GLRA3: variants seen among roughly 807,000 people sequenced by gnomAD.
The protein encoded by GLRA3 is glycine receptor alpha 3.
A neutral mutation model predicts 60.4 loss-of-function variants in GLRA3; 44 were observed. The ratio of observed to expected loss-of-function variants is 0.73; its 90% confidence interval spans 0.57 to 0.94. The LOEUF is 0.94. GLRA3 is among the 40% of genes least tolerant of loss of function. The pLI is 0.00. For synonymous variants in GLRA3, 223 were observed against 192.9 expected (o/e 1.16, Z -1.29); for missense variants, 508 against 564.6 (o/e 0.90, Z 1.02).
At chr4:174,786,457 TGTAAATG>T (rs1287934327) in intron 2 of GLRA3, among the ~76,000 whole-genome samples, 2 of 152,170 alleles carry the variant, frequency 1.3e-5, no homozygotes, top group African/African-American at 4.8e-5. Flanking sequence ...CCTCCTTTTG[TGTAAATG>T]TCTTCTGTTA....
In GLRA3 at chr4:174,642,333, TA is replaced by T. The variant is rs11320759; in HGVS notation, c.*1452del. The T allele has an allele frequency of 0.42, 404,572 of 972,896 alleles. 88,081 individuals carry two copies. The highest frequency in any genetic ancestry group is 0.72 in the African/African-American group (41,222 of 56,882). 60.3% of individuals were successfully genotyped at this position (972,896 alleles called of 1,614,324 possible). On this transcript the variant is annotated 3_prime_UTR_variant, in exon 10 of 10. Transcript: ENST00000274093. ...TGTACATCTGAGTTCATTGTTTTCT[TA>T]ATCTTTAAAGTTTTCTCTGTGAATA...
chr4:174,751,924 T>A (rs1320663725), intron 3 of GLRA3, among the ~76,000 whole-genome samples: 1 of 151,928 alleles, frequency 6.6e-6, no homozygotes, highest in East Asian at 1.9e-4. Context: ...GGAAAAGATG[T>A]CTAAAAAGTG....
chr4:174,799,207 G>T (rs1739707649), intron 1 of GLRA3, among the ~76,000 whole-genome samples: 2 of 152,106 alleles, frequency 1.3e-5, no homozygotes, highest in Admixed American at 1.3e-4. Flanking sequence ...ATTACCTATG[G>T]ATTACAGATG....
At chr4:174,799,548 G>C (rs1262254334) in intron 1 of GLRA3, among the ~76,000 whole-genome samples, 47 of 152,204 alleles carry the variant, frequency 3.1e-4, no homozygotes. Flanking sequence ...TTGCATTCTA[G>C]GATTCACCAA....
At chr4:174,731,928 G>T (rs1330448381) in intron 3 of GLRA3, among the ~76,000 whole-genome samples, 1 of 152,136 alleles carries the variant, frequency 6.6e-6, no homozygotes, top group Non-Finnish European at 1.5e-5. Context: ...ACAAAGAAGT[G>T]CAAATTAAGA....
intron 7 of GLRA3, among the ~76,000 whole-genome samples, chr4:174,669,200 T>C (rs1306323965): frequency 6.6e-6 from 1 of 152,106 alleles, no homozygotes; most frequent in Non-Finnish European, 1.5e-5. Flanking sequence ...GAATTTTACA[T>C]TTTGTAACAG....
chr4:174,702,260 T>C (rs971425645), intron 5 of GLRA3, among the ~76,000 whole-genome samples: 2 of 152,178 alleles, frequency 1.3e-5, no homozygotes, highest in Non-Finnish European at 2.9e-5. Flanking sequence ...TGATTATGAC[T>C]CACTGAAGGC....
At chr4:174,713,145 T>A (rs112086364) in intron 5 of GLRA3, among the ~76,000 whole-genome samples, 9 of 152,238 alleles carry the variant, frequency 5.9e-5, no homozygotes, top group African/African-American at 2.2e-4. Context: ...TAAATTAAAA[T>A]TAATTCCTAA....
In GLRA3 at chr4:174,715,512, T is replaced by A. The variant is rs370369267; in HGVS notation, c.550A>T (p.Thr184Ser). The A allele has an allele frequency of 1.9e-5, 29 of 1,551,032 alleles. No homozygotes were observed. Among genetic ancestry groups the A allele is most frequent in the Non-Finnish European group, 2.4e-5 (27 of 1,125,648 alleles). The change falls in exon 5 of 10, where the codon ACA (threonine) becomes TCA (serine). Residue 184 changes from threonine to serine, a missense_variant. Coordinates refer to ENST00000274093, the MANE Select transcript of GLRA3 (RefSeq NM_006529.4). ...DLKNFPMDVQ[T>S]CIMQLESFGY... ...CAGCTTTCCAGTTGCATTATACATG[T>A]TTGTACATCCATGGGAAAATTCTTG...
At position 174,642,386 on chromosome 4, in the gene GLRA3, G is replaced by A; in HGVS notation, c.*1400C>T. The A allele has an allele frequency of 1.0e-6, 1 of 968,654 alleles. No homozygotes were observed. The highest frequency in any genetic ancestry group is 1.2e-6 in the Non-Finnish European group (1 of 814,914). The allele number at this position is 968,654 out of a possible 1,614,324, so 60.0% of individuals were successfully genotyped here. ...TTTGGTGGACTGAGTTTGTGCATCTGACCAATAATTAAAATACCTAAAAAG... is the reference window on the plus strand; with the variant it reads ...TTTGGTGGACTGAGTTTGTGCATCTAACCAATAATTAAAATACCTAAAAAG... On this transcript the variant is annotated 3_prime_UTR_variant, in exon 10 of 10. Transcript: ENST00000274093.
chr4:174,665,645 C>A (rs990280998), intron 7 of GLRA3, among the ~76,000 whole-genome samples: 2 of 152,104 alleles, frequency 1.3e-5, no homozygotes, highest in African/African-American at 4.8e-5. Context: ...ATAGCAAATA[C>A]CAAATAACTC....
chr4:174,725,968 A>T (rs935437942), intron 4 of GLRA3, among the ~76,000 whole-genome samples: 2 of 152,150 alleles, frequency 1.3e-5, no homozygotes, highest in Non-Finnish European at 2.9e-5. Flanking sequence ...TTTCTCTGAC[A>T]TTGCTCTGCT....
At chr4:174,673,679 T>G (rs953448958) in intron 7 of GLRA3, among the ~76,000 whole-genome samples, 1 of 152,152 alleles carries the variant, frequency 6.6e-6, no homozygotes, top group South Asian at 2.1e-4. Context: ...AAATCACCTC[T>G]ATTCCACTTC....
chr4:174,744,910 A>C (rs1260432958), intron 3 of GLRA3, among the ~76,000 whole-genome samples: 1 of 152,160 alleles, frequency 6.6e-6, no homozygotes, highest in African/African-American at 2.4e-5. Context: ...AAATCAGAAA[A>C]ACAATTCAGG....
intron 4 of GLRA3, 59 bp downstream of exon 4, chr4:174,728,416 C>T (rs535177831): frequency 1.0e-6 from 1 of 953,160 alleles, no homozygotes; most frequent in South Asian, 1.5e-5. Context: ...ACAAACCAAC[C>T]AACAATACAC....
intron 5 of GLRA3, among the ~76,000 whole-genome samples, chr4:174,685,255 T>G (rs573876777): frequency 7.2e-4 from 109 of 152,186 alleles, no homozygotes; most frequent in African/African-American, 2.6e-3. Flanking sequence ...CCAGACACAG[T>G]GAAATCTGCT....
Position 174,643,588 on chromosome 4 carries a change from A to G in GLRA3, c.*198T>C. ...TTAATATGAAATAGAATCCCCTAATAAATATTTTATATTCATTAAAAGAAT... is the reference window on the plus strand; with the variant it reads ...TTAATATGAAATAGAATCCCCTAATGAATATTTTATATTCATTAAAAGAAT... On this transcript the variant is annotated 3_prime_UTR_variant, in exon 10 of 10. Coordinates refer to ENST00000274093, the MANE Select transcript of GLRA3 (RefSeq NM_006529.4). The G allele has an allele frequency of 1.6e-6, 2 of 1,255,326 alleles. No individual in the cohort carries two copies. The highest frequency in any genetic ancestry group is 2.0e-6 in the Non-Finnish European group (2 of 992,466). The allele number at this position is 1,255,326 out of a possible 1,614,324, so 77.8% of individuals were successfully genotyped here. A position where few individuals can be genotyped will look rare whatever the true frequency, so the allele number is the denominator to read the frequency against.
intron 1 of GLRA3, among the ~76,000 whole-genome samples, chr4:174,792,144 G>A (rs1385624932): frequency 6.6e-6 from 1 of 152,142 alleles, no homozygotes; most frequent in Non-Finnish European, 1.5e-5. Flanking sequence ...GTGTTTTCAG[G>A]TCTTTCCTGA....
In GLRA3 at chr4:174,824,364, T is replaced by G. The variant is rs1740872144; in HGVS notation, c.71+4377A>C. On this transcript the variant is annotated intron_variant, in intron 1 of 9. Transcript: ENST00000274093. ...CACCAATCCTATGACTAATAGTAAT[T>G]TTGAGGTAAACACTACCTCTGAAGA... Among the ~76,000 whole-genome samples the G allele has an allele frequency of 2.6e-5, 4 of 152,348 alleles. No individual in the cohort carries two copies. In the South Asian group the frequency reaches 8.3e-4, roughly 32 times the overall value.
Sources: allele counts gnomAD v4.1 joint callset (sites outside exome capture counted in the v4.1 genomes callset), GRCh38; gene constraint gnomAD v4.1.1; transcripts MANE v1.5; gene names NCBI Gene and HGNC (gene_info 2026-07-23, HGNC 2026-07-21).